The following CSMD2 variants were observed in gnomAD, a reference collection of about 807,000 sequenced individuals.
The protein encoded by CSMD2 is CUB and Sushi multiple domains 2, also known as CUB and sushi domain-containing protein 2.
In CSMD2, 130 loss-of-function variants were observed where a neutral mutation model predicts 398.5. The ratio of observed to expected loss-of-function variants is 0.33; its 90% CI spans 0.28 to 0.38. The LOEUF is 0.38. Ranked by LOEUF, CSMD2 falls within the 10% of genes least tolerant of loss-of-function variation. The pLI is 1.00. For synonymous variants in CSMD2, 1,828 were observed against 1,908.5 expected (o/e 0.96, Z 1.10); for missense variants, 3,829 against 4,764.9 (o/e 0.80, Z 5.78).
chr1:33,942,208 G>C (rs1644697739), intron 3 of CSMD2, among the ~76,000 whole-genome samples: 1 of 152,166 alleles, frequency 6.6e-6, no homozygotes, highest in Non-Finnish European at 1.5e-5. Flanking sequence ...CTCACTGCAG[G>C]GGCAGAGGCA....
intron 5 of CSMD2, among the ~76,000 whole-genome samples, chr1:33,910,347 G>C (rs887217458): frequency 2.0e-5 from 3 of 152,144 alleles, no homozygotes; most frequent in African/African-American, 4.8e-5. Flanking sequence ...ATGCACCAGG[G>C]CTCTTTTCGG....
intron 43 of CSMD2, among the ~76,000 whole-genome samples, chr1:33,601,875 C>T (rs1484374126): frequency 2.0e-5 from 3 of 152,174 alleles, no homozygotes; most frequent in Non-Finnish European, 4.4e-5. Context: ...TACTCTGTAG[C>T]CAGTGGCTAC....
intron 3 of CSMD2, among the ~76,000 whole-genome samples, chr1:34,007,408 C>T (rs1424170414): frequency 2.0e-5 from 3 of 152,202 alleles, no homozygotes; most frequent in Non-Finnish European, 2.9e-5. Flanking sequence ...GATTGGCCTC[C>T]TCTGACCCCT....
At chr1:33,689,727 C>T (rs1645172746) in intron 25 of CSMD2, among the ~76,000 whole-genome samples, 1 of 152,154 alleles carries the variant, frequency 6.6e-6, no homozygotes, top group African/African-American at 2.4e-5. Flanking sequence ...ACATCCTTCT[C>T]TTTAGACGAT....
chr1:33,907,263 C>T (rs934954459), intron 5 of CSMD2, among the ~76,000 whole-genome samples: 6 of 151,574 alleles, frequency 4.0e-5, no homozygotes, highest in East Asian at 1.9e-4. Flanking sequence ...GGACCACAGG[C>T]GTCTGCCACC....
chr1:33,622,119 T>C, intron 37 of CSMD2, 48 bp downstream of exon 37: 2 of 1,426,992 alleles, frequency 1.4e-6, no homozygotes, highest in Non-Finnish European at 2.0e-6. Flanking sequence ...TCAGCAACTT[T>C]TAGGTCCCAC....
intron 3 of CSMD2, among the ~76,000 whole-genome samples, chr1:33,969,032 GT>G (rs1479867630): frequency 6.6e-6 from 1 of 152,140 alleles, no homozygotes; most frequent in East Asian, 1.9e-4. Context: ...CCAGGAGTAG[GT>G]CCTGTAAGTC....
At chr1:33,810,275 G>GA (rs1009009470) in intron 10 of CSMD2, among the ~76,000 whole-genome samples, 30 of 152,214 alleles carry the variant, frequency 2.0e-4, no homozygotes, top group Admixed American at 1.9e-3. Context: ...TAAATCTTAG[G>GA]AACACAATTT....
chr1:34,145,744 A>G (rs1639709708), intron 1 of CSMD2, among the ~76,000 whole-genome samples: 1 of 152,084 alleles, frequency 6.6e-6, no homozygotes, highest in African/African-American at 2.4e-5. Flanking sequence ...TCCCCTCCCC[A>G]TGGCAGTCTC....
At chr1:34,090,623 A>T (rs1658452556) in intron 1 of CSMD2, among the ~76,000 whole-genome samples, 1 of 151,440 alleles carries the variant, frequency 6.6e-6, no homozygotes, top group South Asian at 2.1e-4. Context: ...CCTCTTCTTC[A>T]CAACCCCATG....
At chr1:33,517,355 C>T (rs1034037281) in intron 70 of CSMD2, among the ~76,000 whole-genome samples, 11 of 152,096 alleles carry the variant, frequency 7.2e-5, no homozygotes, top group Non-Finnish European at 1.2e-4. Flanking sequence ...CAACCCCAGC[C>T]GACCCGGAGG....
chr1:33,768,204 T>G (rs142949137), intron 13 of CSMD2, among the ~76,000 whole-genome samples: 1 of 152,134 alleles, frequency 6.6e-6, no homozygotes, highest in Admixed American at 6.5e-5. Flanking sequence ...CACAAATCCA[T>G]AGGATTCTTC....
intron 44 of CSMD2, among the ~76,000 whole-genome samples, chr1:33,590,604 C>CACACACACAA (rs1639372955): frequency 1.0e-5 from 1 of 95,400 alleles, no homozygotes; most frequent in Admixed American, 9.6e-5. Flanking sequence ...ATCACACACA[C>CACACACACAA]ACACACACAC....
chr1:34,094,367 CA>C (rs1368901564), intron 1 of CSMD2, among the ~76,000 whole-genome samples: 1 of 151,356 alleles, frequency 6.6e-6, no homozygotes, highest in Non-Finnish European at 1.5e-5. Context: ...GCAAAATAAC[CA>C]GCTAACATCA....
chr1:33,918,926 T>C (rs999921288), intron 4 of CSMD2, among the ~76,000 whole-genome samples: 2 of 152,206 alleles, frequency 1.3e-5, no homozygotes, highest in Non-Finnish European at 2.9e-5. Context: ...GTGACTGACA[T>C]GTGGGTAGAT....
At chr1:33,956,415 C>T (rs985382324) in intron 3 of CSMD2, among the ~76,000 whole-genome samples, 2 of 152,106 alleles carry the variant, frequency 1.3e-5, no homozygotes, top group African/African-American at 4.8e-5. Flanking sequence ...GGAATCATAT[C>T]GTTTTTATCC....
chr1:33,622,349 T>C, intron 36 of CSMD2, 78 bp from the exon 37 acceptor site: 1 of 1,051,162 alleles, frequency 9.5e-7, no homozygotes, highest in Admixed American at 1.8e-5. Flanking sequence ...TCCTCTGGAT[T>C]TTGCTACCTG....
intron 25 of CSMD2, among the ~76,000 whole-genome samples, chr1:33,685,049 G>A (rs1214311739): frequency 2.6e-5 from 4 of 152,332 alleles, no homozygotes; most frequent in Non-Finnish European, 1.5e-5. Flanking sequence ...ATGTAGGACA[G>A]TATCTCTAAG....
chr1:33,763,003 C>A (rs181734250), intron 13 of CSMD2, among the ~76,000 whole-genome samples: 1 of 152,096 alleles, frequency 6.6e-6, no homozygotes, highest in Non-Finnish European at 1.5e-5. Flanking sequence ...TCCCACGGAC[C>A]CTGGGAGACT....
Sources: allele counts gnomAD v4.1 joint callset (sites outside exome capture counted in the v4.1 genomes callset), GRCh38; gene constraint gnomAD v4.1.1; transcripts MANE v1.5; gene names NCBI Gene and HGNC (gene_info 2026-07-23, HGNC 2026-07-21).